PRKAR2B: variants seen among roughly 807,000 people sequenced by gnomAD.
PRKAR2B encodes the protein protein kinase cAMP-dependent type II regulatory subunit beta, also known as cAMP-dependent protein kinase type II-beta regulatory subunit.
In PRKAR2B, 14 loss-of-function variants were observed where a neutral mutation model predicts 49.9. The ratio of observed to expected loss-of-function variants is 0.28; its 90% CI spans 0.19 to 0.44. The LOEUF (loss-of-function observed/expected upper bound fraction) is 0.44. PRKAR2B is among the 20% of genes least tolerant of loss of function. The pLI is 1.00. For synonymous variants in PRKAR2B, 196 were observed against 197.7 expected, an observed-to-expected ratio of 0.99 and a Z score of 0.07; for missense variants, 393 against 537.9, an observed-to-expected ratio of 0.73 and a Z score of 2.67.
intron 1 of PRKAR2B, among the ~76,000 whole-genome samples, chr7:107,066,301 G>GGGGGTGTGT (rs147673007): frequency 1.1e-4 from 16 of 145,600 alleles, no homozygotes; most frequent in African/African-American, 3.9e-4. Context: ...CTCTATGTGG[G>GGGGGTGTGT]GTGTGTGTGT....
intron 3 of PRKAR2B, among the ~76,000 whole-genome samples, chr7:107,123,093 A>T (rs557290707): frequency 2.4e-4 from 37 of 152,362 alleles, no homozygotes; most frequent in African/African-American, 7.7e-4. Flanking sequence ...CCGGGTGGCA[A>T]TGAAGACAAC....
chr7:107,152,742 C>A (rs1028165870), intron 7 of PRKAR2B, among the ~76,000 whole-genome samples: 9 of 152,176 alleles, frequency 5.9e-5, no homozygotes, highest in African/African-American at 2.2e-4. Flanking sequence ...TTGTCCACAT[C>A]ACACAGTGCG....
intron 2 of PRKAR2B, 62 bp downstream of exon 2, chr7:107,070,378 T>G: frequency 7.1e-7 from 1 of 1,400,824 alleles, no homozygotes; most frequent in Non-Finnish European, 1.0e-6. Context: ...ATGATAATAT[T>G]GGACAAGAAG....
intron 1 of PRKAR2B, among the ~76,000 whole-genome samples, chr7:107,064,279 T>C (rs1794086029): frequency 6.6e-6 from 1 of 152,244 alleles, no homozygotes; most frequent in South Asian, 2.1e-4. Context: ...TATGTTTTTT[T>C]CTAATTTAAT....
At chr7:107,139,012 A>G (rs1282039189) in intron 4 of PRKAR2B, among the ~76,000 whole-genome samples, 2 of 152,092 alleles carry the variant, frequency 1.3e-5, no homozygotes, top group Non-Finnish European at 2.9e-5. Flanking sequence ...AAAAAATGAC[A>G]ATCATATTTT....
intron 2 of PRKAR2B, among the ~76,000 whole-genome samples, chr7:107,101,728 A>G (rs1794969033): frequency 6.6e-6 from 1 of 152,152 alleles, no homozygotes; most frequent in Non-Finnish European, 1.5e-5. Context: ...TAGAACCACC[A>G]TGCTGACCAA....
intron 2 of PRKAR2B, among the ~76,000 whole-genome samples, chr7:107,096,996 G>T (rs971542676): frequency 1.3e-5 from 2 of 152,192 alleles, no homozygotes; most frequent in African/African-American, 4.8e-5. Flanking sequence ...GTTGATTTGG[G>T]GTGGAGAGTT....
At position 107,070,285 on chromosome 7, in the gene PRKAR2B, A is replaced by G; in HGVS notation, c.312A>G (p.Pro104=). Residue 104 remains proline, a synonymous_variant, in exon 2 of 11, where the codon CCA becomes CCG. Coordinates refer to ENST00000265717, the MANE Select transcript of PRKAR2B (RefSeq NM_002736.3). ...TTATTCTGCTTTTTCTTTTAGCTCC[A>G]GTAATAAACCGATTCACAAGGCGTG... is the stretch of plus-strand genomic sequence containing the variant. The part of the protein sequence containing the change: ...APADAGAFNA[P]VINRFTRRAS... 1 of 1,607,356 alleles carries G rather than the reference A, an allele frequency of 6.2e-7. No homozygotes were observed. The highest frequency in any genetic ancestry group is 8.5e-7 in the Non-Finnish European group (1 of 1,175,612).
intron 8 of PRKAR2B, among the ~76,000 whole-genome samples, chr7:107,154,199 A>AT (rs951450358): frequency 3.3e-5 from 5 of 152,144 alleles, no homozygotes; most frequent in African/African-American, 1.2e-4. Flanking sequence ...GTTTTAAATG[A>AT]TTTTTTAAGG....
intron 3 of PRKAR2B, among the ~76,000 whole-genome samples, chr7:107,127,660 C>T (rs565254485): frequency 7.2e-5 from 11 of 152,340 alleles, no homozygotes; most frequent in Admixed American, 1.3e-4. Context: ...ATCACTTGCT[C>T]GCTGTGGGGC....
rs1796108787 is a variant in PRKAR2B, at chr7:107,157,226, C to T, written c.1025C>T (p.Ala342Val). The change falls in exon 10 of 11, where the codon GCT becomes GTT. Residue 342 changes from alanine to valine, a missense_variant. Around this residue, in one of 2 missense-constraint regions of PRKAR2B, gnomAD observed 233 missense variants for 390.4 expected, o/e 0.60. Coordinates refer to ENST00000265717, the MANE Select transcript of PRKAR2B (RefSeq NM_002736.3). ...GAAGAGAATGGTGCAGTAGAAATCG[C>T]TCGATGCTCGCGGGGACAGTACTTT... is the stretch of plus-strand genomic sequence containing the variant. ...EVEENGAVEI[A>V]RCSRGQYFGE... 2 of 1,614,170 alleles carry T rather than the reference C, an allele frequency of 1.2e-6. No individual in the cohort carries two copies. Among genetic ancestry groups the T allele is most frequent in the Non-Finnish European group, 1.7e-6 (2 of 1,180,026 alleles).
At chr7:107,157,932 A>G (rs1057139609) in intron 10 of PRKAR2B, among the ~76,000 whole-genome samples, 7 of 152,184 alleles carry the variant, frequency 4.6e-5, no homozygotes, top group African/African-American at 1.7e-4. Context: ...TATGGAGGGT[A>G]TTTTAAGAAA....
In PRKAR2B at chr7:107,062,402, G is replaced by C. The variant is rs185597401; in HGVS notation, c.308-7879G>C. ...CTGAAATGTCCATCAACAGGAGAAT[G>C]GAGATATATATATTGTGGTATATTC... is the stretch of plus-strand genomic sequence containing the variant. On this transcript the variant is annotated intron_variant, in intron 1 of 10. Coordinates refer to ENST00000265717, the MANE Select transcript of PRKAR2B (RefSeq NM_002736.3). Among the ~76,000 whole-genome samples the C allele has an allele frequency of 1.2e-3, 181 of 152,218 alleles. 1 individual carries two copies. The highest frequency in any genetic ancestry group is 4.2e-3 in the African/African-American group (173 of 41,546).
At chr7:107,068,736 G>A (rs1310894292) in intron 1 of PRKAR2B, 1 of 152,052 alleles carries the variant, frequency 6.6e-6, no homozygotes, top group Non-Finnish European at 1.5e-5. Context: ...CATGAAGGAA[G>A]ATAATATTCA....
intron 2 of PRKAR2B, among the ~76,000 whole-genome samples, chr7:107,071,690 AAAT>A (rs1562846724): frequency 6.6e-6 from 1 of 152,220 alleles, no homozygotes; most frequent in Non-Finnish European, 1.5e-5. Flanking sequence ...GTCATAGAAT[AAAT>A]AATCACCATT....
chr7:107,052,234 C>A (rs558835759), intron 1 of PRKAR2B, among the ~76,000 whole-genome samples: 1 of 152,116 alleles, frequency 6.6e-6, no homozygotes, highest in Non-Finnish European at 1.5e-5. Context: ...GCCTGGCCAA[C>A]ATGGTGAAAC....
In PRKAR2B at chr7:107,071,848, G is replaced by A. The variant is rs1435443188; in HGVS notation, c.343+1532G>A. 2.6e-5 allele frequency among the ~76,000 whole-genome samples: 4 copies of A among 152,060 alleles called. No individual in the cohort carries two copies. In the East Asian group the frequency reaches 5.8e-4, roughly 22 times the overall value. ...TGGGAGGCTGAGGCGGGCAGATCAC[G>A]AGGTCAGGAGATCAAGGCCATCCTG... is the stretch of plus-strand genomic sequence containing the variant. On this transcript the variant is annotated intron_variant, in intron 2 of 10. Transcript: ENST00000265717.
chr7:107,052,595 A>C (rs1793829563), intron 1 of PRKAR2B, among the ~76,000 whole-genome samples: 2 of 152,212 alleles, frequency 1.3e-5, no homozygotes, highest in South Asian at 4.1e-4. Flanking sequence ...TGAACCTGGT[A>C]ATCTGACTTC....
At chr7:107,153,289 A>G (rs1437410217) in intron 8 of PRKAR2B, 38 bp downstream of exon 8, 1 of 1,481,060 alleles carries the variant, frequency 6.8e-7, no homozygotes, top group Non-Finnish European at 9.2e-7. Context: ...TTAGGGTTAT[A>G]TTCCAAAAGG....
Sources: gnomAD v4.1 joint callset for allele counts (sites outside exome capture counted in the v4.1 genomes callset) on GRCh38, gnomAD v4.1.1 for gene constraint, gnomAD v4.1.1 regional missense constraint, MANE v1.5 for transcripts, NCBI Gene and HGNC (gene_info 2026-07-23, HGNC 2026-07-21) for gene names.